AQP2: variants seen among roughly 807,000 people sequenced by gnomAD.
The protein encoded by AQP2 is aquaporin-2.
Under a neutral mutation model 21.6 loss-of-function variants are expected in AQP2, and 20 were observed. The observed-to-expected ratio is 0.92, with a 90% CI of 0.65 to 1.34. The LOEUF (loss-of-function observed/expected upper bound fraction) is 1.34. Among genes scored for constraint, AQP2 ranks in the 40% most tolerant of loss-of-function variants. The pLI is 0.00. For missense variants in AQP2, 325 were observed against 363.4 expected (o/e 0.89, Z 0.86); for synonymous variants, 168 against 166.9 (o/e 1.01, Z -0.05).
At position 49,956,547 on chromosome 12, in the gene AQP2, C is replaced by T. The variant is rs1197078906; in HGVS notation, c.*939C>T. ...CCCCGTCTCCAGGGGTGCCCCAGAC[C>T]CAGAGATTAGCCTCCCACTTCGGCG... On this transcript the variant is annotated 3_prime_UTR_variant, in exon 4 of 4. Coordinates refer to ENST00000199280, the MANE Select transcript of AQP2 (RefSeq NM_000486.6). The T allele has an allele frequency of 2.0e-5, 3 of 152,200 alleles. No individual in the cohort carries two copies. The highest frequency in any genetic ancestry group is 7.2e-5 in the African/African-American group (3 of 41,436). The allele number at this position is 152,200 out of a possible 1,614,324, so 9.4% of individuals were successfully genotyped here. A position where few individuals can be genotyped will look rare whatever the true frequency, so the allele number is the denominator to read the frequency against.
chr12:49,950,802 G>C lies in AQP2; in HGVS notation c.-29G>C, dbSNP rs1427271071. 8.1e-6 allele frequency: 13 copies of C among 1,597,762 alleles called. No individual in the cohort carries two copies. The highest frequency in any genetic ancestry group is 1.1e-5 in the Non-Finnish European group (13 of 1,168,976). ...CCCGGAGCATCCTGGCCCTGAGACAGCTGGGCCAGCCCCGCAGGGCTCTGC... is the reference window on the plus strand; with the variant it reads ...CCCGGAGCATCCTGGCCCTGAGACACCTGGGCCAGCCCCGCAGGGCTCTGC... On this transcript the variant is annotated 5_prime_UTR_variant, in exon 1 of 4. Transcript: ENST00000199280.
chr12:49,953,360 C>T (rs1947343051), intron 1 of AQP2, among the ~76,000 whole-genome samples: 1 of 152,178 alleles, frequency 6.6e-6, no homozygotes, highest in South Asian at 2.1e-4. Flanking sequence ...TACAGGGTGA[C>T]AAAACCCAAG....
At position 49,955,489 on chromosome 12, in the gene AQP2, C is replaced by T. The variant is rs750321982; in HGVS notation, c.697C>T (p.Arg233Cys). 1.9e-6 allele frequency: 3 copies of T among 1,612,832 alleles called. No homozygotes were observed. The highest frequency in any genetic ancestry group is 1.1e-5 in the South Asian group (1 of 91,070). ...TCCGCCAGCCAAGAGCCTGTCGGAGCGCCTGGCAGTGCTGAAGGGCCTGGA... is the reference window on the plus strand; with the variant it reads ...TCCGCCAGCCAAGAGCCTGTCGGAGTGCCTGGCAGTGCTGAAGGGCCTGGA... ...LFPPAKSLSE[R>C]LAVLKGLEPD... The change falls in exon 4 of 4, where the codon CGC becomes TGC. Residue 233 changes from arginine to cysteine, a missense_variant. Transcript: ENST00000199280.
Position 49,956,918 on chromosome 12 carries a change from G to C in AQP2, c.*1310G>C, listed in dbSNP as rs1165552066. The stretch of plus-strand genomic sequence containing the variant: ...GAGCAGCCTGCTGCTCTCAGGACCA[G>C]AGAAGGGAAATGACTTCTCCAGGCA... On this transcript the variant is annotated 3_prime_UTR_variant, in exon 4 of 4. Coordinates refer to ENST00000199280, the MANE Select transcript of AQP2 (RefSeq NM_000486.6). The C allele has an allele frequency of 6.6e-6, 1 of 152,626 alleles. No individual in the cohort carries two copies. Among genetic ancestry groups the C allele is most frequent in the East Asian group, 1.9e-4 (1 of 5,196 alleles). 9.5% of individuals were successfully genotyped at this position (152,626 alleles called of 1,614,324 possible).
At position 49,955,577 on chromosome 12, in the gene AQP2, C is replaced by G. The variant is rs104894339; in HGVS notation, c.785C>G (p.Pro262Arg). 1 of 1,586,238 alleles carries G rather than the reference C, an allele frequency of 6.3e-7. No homozygotes were observed. ...RRRQSVELHS[P>R]QSLPRGTKA Reference sequence around the variant, plus strand: ...CGGCAGTCGGTGGAGCTGCACTCGCCGCAGAGCCTGCCACGGGGTACCAAG... The same window carrying G: ...CGGCAGTCGGTGGAGCTGCACTCGCGGCAGAGCCTGCCACGGGGTACCAAG... Residue 262 changes from proline to arginine, a missense_variant, in exon 4 of 4, where the codon CCG (proline) becomes CGG (arginine). Transcript: ENST00000199280.
At position 49,955,415 on chromosome 12, in the gene AQP2, C is replaced by T; in HGVS notation, c.623C>T (p.Pro208Leu). The stretch of plus-strand genomic sequence containing the variant: ...CGCCCCCAGGTCTTCTGGATCGGAC[C>T]CCTGGTGGGCGCCATCCTGGGCTCC... Reference protein sequence around the residue: ...FDDHWVFWIGPLVGAILGSLL... With the variant: ...FDDHWVFWIGLLVGAILGSLL... The change falls in exon 4 of 4, where the codon CCC becomes CTC. Residue 208 changes from proline to leucine, a missense_variant. Coordinates refer to ENST00000199280, the MANE Select transcript of AQP2 (RefSeq NM_000486.6). 1.2e-6 allele frequency: 2 copies of T among 1,612,602 alleles called. No individual in the cohort carries two copies. Among genetic ancestry groups the T allele is most frequent in the Non-Finnish European group, 1.7e-6 (2 of 1,179,722 alleles).
In AQP2 at chr12:49,951,482, A is replaced by G. The variant is rs467199; in HGVS notation, c.360+292A>G. The G allele has an allele frequency of 0.76, 364,800 of 478,132 alleles. 141,576 individuals carry two copies. Among genetic ancestry groups the G allele is most frequent in the Admixed American group, 0.84 (24,331 of 29,100 alleles). 29.6% of individuals were successfully genotyped at this position (478,132 alleles called of 1,614,324 possible). On this transcript the variant is annotated intron_variant, in intron 1 of 3. Transcript: ENST00000199280. ...GGACTCAACGCCTACATTACAGTGAAGACAGGGCTATACCTCAGCAGGGGT... is the reference window on the plus strand; with the variant it reads ...GGACTCAACGCCTACATTACAGTGAGGACAGGGCTATACCTCAGCAGGGGT...
intron 1 of AQP2, among the ~76,000 whole-genome samples, chr12:49,953,461 G>C (rs1424815245): frequency 6.6e-6 from 1 of 152,196 alleles, no homozygotes; most frequent in African/African-American, 2.4e-5. Context: ...GGTCTGCTGA[G>C]ACCATGGGCA....
chr12:49,951,484 A>T (rs1283061298), intron 1 of AQP2: 1 of 453,142 alleles, frequency 2.2e-6, no homozygotes, highest in African/African-American at 1.9e-5. Context: ...TACAGTGAAG[A>T]CAGGGCTATA....
chr12:49,951,098 G>A lies in AQP2; in HGVS notation c.268G>A (p.Val90Met), dbSNP rs747794240. The change falls in exon 1 of 4, where the codon GTG becomes ATG. Residue 90 changes from valine to methionine, a missense_variant. Physicochemically the swap from Val to Met is conservative, Grantham distance 21 (BLOSUM62 1). Coordinates refer to ENST00000199280, the MANE Select transcript of AQP2 (RefSeq NM_000486.6). ...CTCCGTTCTCCGAGCCGCCTTCTAC[G>A]TGGCTGCCCAGCTGCTGGGGGCTGT... ...HVSVLRAAFY[V>M]AAQLLGAVAG... 10 of 1,609,092 alleles carry A rather than the reference G, an allele frequency of 6.2e-6. No homozygotes were observed. Among genetic ancestry groups the A allele is most frequent in the African/African-American group, 1.3e-5 (1 of 74,882 alleles).
Position 49,955,418 on chromosome 12 carries a change from T to C in AQP2, c.626T>C (p.Leu209Pro), listed in dbSNP as rs889586478. The change falls in exon 4 of 4, where the codon CTG (leucine) becomes CCG (proline). Residue 209 changes from leucine to proline, a missense_variant. Coordinates refer to ENST00000199280, the MANE Select transcript of AQP2 (RefSeq NM_000486.6). ...CCCCAGGTCTTCTGGATCGGACCCCTGGTGGGCGCCATCCTGGGCTCCCTC... is the reference window on the plus strand; with the variant it reads ...CCCCAGGTCTTCTGGATCGGACCCCCGGTGGGCGCCATCCTGGGCTCCCTC... ...DDHWVFWIGPLVGAILGSLLY... is the reference protein window; with the variant it reads ...DDHWVFWIGPPVGAILGSLLY... 12 of 1,612,334 alleles carry C rather than the reference T, an allele frequency of 7.4e-6. No individual in the cohort carries two copies. Among genetic ancestry groups the C allele is most frequent in the Non-Finnish European group, 7.6e-6 (9 of 1,179,700 alleles).
At position 49,954,277 on chromosome 12, in the gene AQP2, T is replaced by A; in HGVS notation, c.483T>A (p.Ala161=). ...GCGGAGAGAACCCGGGCACCCCTGCTCTCTCCATAGGCTTCTCTGTGGCCC... is the reference window on the plus strand; with the variant it reads ...GCGGAGAGAACCCGGGCACCCCTGCACTCTCCATAGGCTTCTCTGTGGCCC... ...ERRGENPGTP[A]LSIGFSVALG... Residue 161 remains alanine (A), a synonymous_variant, in exon 2 of 4, where the codon GCT becomes GCA. Coordinates refer to ENST00000199280, the MANE Select transcript of AQP2 (RefSeq NM_000486.6). 6.2e-7 allele frequency: 1 copy of A among 1,609,142 alleles called. No individual in the cohort carries two copies.
rs12372344 is a variant in AQP2, at chr12:49,954,576, T to C, written c.526-54T>C. ...AAGCACTGCAGTGCGGGACAAGGAC[T>C]TCCTGCCCTGTCCTCACCTCCCTTC... On this transcript the variant is annotated intron_variant, in intron 2 of 3. Coordinates refer to ENST00000199280, the MANE Select transcript of AQP2 (RefSeq NM_000486.6). 273,881 of 1,589,374 alleles carry C rather than the reference T, an allele frequency of 0.17. 26,278 individuals are homozygous for C. The highest frequency in any genetic ancestry group is 0.2 in the Non-Finnish European group (228,978 of 1,157,698).
chr12:49,951,226 G>T lies in AQP2; in HGVS notation c.360+36G>T, dbSNP rs370675055. The T allele has an allele frequency of 6.3e-6, 10 of 1,582,262 alleles. No homozygotes were observed. The African/African-American group carries it at 1.2e-4, about 19-fold the overall frequency. ...ACAACTTTGCCATCCACAAGGGGCA[G>T]GTCCTGGGGAATCCCTTGTAAAGGA... On this transcript the variant is annotated intron_variant, in intron 1 of 3. Transcript: ENST00000199280.
Position 49,955,871 on chromosome 12 carries a change from C to T in AQP2, c.*263C>T, listed in dbSNP as rs1446017005. On this transcript the variant is annotated 3_prime_UTR_variant, in exon 4 of 4. Transcript: ENST00000199280. Reference sequence around the variant, plus strand: ...CCAGCCTTTTTCAGGGAACTGGGAACTTAGGGGACTGAGCTGGGGAGGGAG... The same window carrying T: ...CCAGCCTTTTTCAGGGAACTGGGAATTTAGGGGACTGAGCTGGGGAGGGAG... The T allele has an allele frequency of 1.6e-6, 1 of 637,736 alleles. No homozygotes were observed. Among genetic ancestry groups the T allele is most frequent in the Non-Finnish European group, 2.8e-6 (1 of 355,106 alleles). The allele number at this position is 637,736 out of a possible 1,614,324, so 39.5% of individuals were successfully genotyped here. A position where few individuals can be genotyped will look rare whatever the true frequency, so the allele number is the denominator to read the frequency against.
Position 49,955,828 on chromosome 12 carries a change from C to T in AQP2, c.*220C>T. The stretch of plus-strand genomic sequence containing the variant: ...AGGTCCCCTGCCCTGAGGCTGTGAG[C>T]AGCTAGTGGTGGCTTCTCCAGCCTT... On this transcript the variant is annotated 3_prime_UTR_variant, in exon 4 of 4. Transcript: ENST00000199280. 1 of 714,560 alleles carries T rather than the reference C, an allele frequency of 1.4e-6. No individual in the cohort carries two copies. Among genetic ancestry groups the T allele is most frequent in the Non-Finnish European group, 2.5e-6 (1 of 404,606 alleles). 44.3% of individuals were successfully genotyped at this position (714,560 alleles called of 1,614,324 possible).
rs1947327101 is a variant in AQP2 at position 49,951,190 on chromosome 12, T to C, written c.360T>C (p.Ala120=). ...TCCGCGGGGACCTGGCTGTCAATGC[T>C]GTGAGTAGCCACAACTTTGCCATCC... ...ADIRGDLAVN[A]LSNSTTAGQA... The change falls in exon 1 of 4, where the codon GCT becomes GCC. Residue 120 remains alanine, a splice_region_variant and synonymous_variant. Transcript: ENST00000199280. The C allele has an allele frequency of 6.2e-7, 1 of 1,603,568 alleles. No individual in the cohort carries two copies. Among genetic ancestry groups the C allele is most frequent in the Non-Finnish European group, 8.5e-7 (1 of 1,175,088 alleles).
Position 49,950,777 on chromosome 12 carries a change from C to T in AQP2, c.-54C>T. The T allele has an allele frequency of 1.3e-6, 2 of 1,583,546 alleles. No individual in the cohort carries two copies. Among genetic ancestry groups the T allele is most frequent in the Non-Finnish European group, 1.7e-6 (2 of 1,162,660 alleles). ...GAGCGATAGAGTGCGAGAGCGAGTG[C>T]CCGGAGCATCCTGGCCCTGAGACAG... On this transcript the variant is annotated 5_prime_UTR_variant, in exon 1 of 4. Transcript: ENST00000199280.
At position 49,955,483 on chromosome 12, in the gene AQP2, TCGGAGCGCCTGG is replaced by T. The variant is rs1389809415; in HGVS notation, c.693_704del (p.Glu232_Ala235del). 2 of 1,612,834 alleles carry T rather than the reference TCGGAGCGCCTGG, an allele frequency of 1.2e-6. No homozygotes were observed. The highest frequency in any genetic ancestry group is 1.1e-5 in the South Asian group (1 of 91,074). ...GCTGTTTCCGCCAGCCAAGAGCCTG[TCGGAGCGCCTGG>T]CAGTGCTGAAGGGCCTGGAGCCGGA... On this transcript the variant is annotated inframe_deletion, in exon 4 of 4. Transcript: ENST00000199280.
Sources: gnomAD v4.1 joint callset for allele counts (sites outside exome capture counted in the v4.1 genomes callset) on GRCh38, gnomAD v4.1.1 for gene constraint, MANE v1.5 for transcripts, NCBI Gene and HGNC (gene_info 2026-07-23, HGNC 2026-07-21) for gene names.